The following OTOGL variants were observed in gnomAD, a reference collection of about 807,000 sequenced individuals.
The protein encoded by OTOGL is otogelin-like protein.
Under a neutral mutation model 318.5 loss-of-function variants are expected in OTOGL, and 285 were observed. The observed-to-expected ratio is 0.89, with a 90% confidence interval of 0.81 to 0.99. The LOEUF (loss-of-function observed/expected upper bound fraction) is 0.99, where lower values mean the gene tolerates loss of function less well. Ranked by LOEUF, OTOGL falls within the 50% of genes least tolerant of loss-of-function variation. OTOGL has a pLI of 0.00. For missense variants in OTOGL, 2,899 were observed against 2,845.6 expected (o/e 1.02, Z -0.43); for synonymous variants, 987 against 936.5 (o/e 1.05, Z -0.99).
At position 80,252,022 on chromosome 12, in the gene OTOGL, A is replaced by G. The variant is rs1295447012; in HGVS notation, c.1160-54A>G. ...TAAAAAATAAAATTATAATTTTAAA[A>G]AAGAAATAGAGGCTAATAAAATTGA... is the stretch of plus-strand genomic sequence containing the variant. On this transcript the variant is annotated intron_variant, in intron 12 of 58. Coordinates refer to ENST00000547103, the MANE Select transcript of OTOGL (RefSeq NM_001378609.3). 2.8e-6 allele frequency: 4 copies of G among 1,417,472 alleles called. No homozygotes were observed. In the East Asian group the frequency reaches 8.0e-5, roughly 28 times the overall value. The allele number at this position is 1,417,472 out of a possible 1,614,324, so 87.8% of individuals were successfully genotyped here.
intron 37 of OTOGL, 100 bp downstream of exon 37, chr12:80,329,219 C>T (rs1887911935): frequency 1.1e-6 from 1 of 916,952 alleles, no homozygotes; most frequent in South Asian, 2.3e-5. Flanking sequence ...ATCATTAATA[C>T]TACCTATGGG....
At chr12:80,193,747 CT>C (rs1421175291) in intron 1 of OTOGL, among the ~76,000 whole-genome samples, 1 of 152,032 alleles carries the variant, frequency 6.6e-6, no homozygotes, top group Non-Finnish European at 1.5e-5. Flanking sequence ...GTGAGTATAA[CT>C]GAGAGGGAGG....
intron 18 of OTOGL, among the ~76,000 whole-genome samples, chr12:80,260,771 A>G (rs373345694): frequency 2.0e-5 from 3 of 152,288 alleles, no homozygotes; most frequent in African/African-American, 7.2e-5. Flanking sequence ...ACTAAATGAA[A>G]TAAGAGAGCC....
At chr12:80,176,386 T>C (rs1874529122) in intron 1 of OTOGL, among the ~76,000 whole-genome samples, 1 of 152,152 alleles carries the variant, frequency 6.6e-6, no homozygotes, top group South Asian at 2.1e-4. Flanking sequence ...CTCTTCGTAA[T>C]CTCTCTTTCC....
intron 47 of OTOGL, 53 bp downstream of exon 47, chr12:80,356,001 T>A: frequency 6.4e-7 from 1 of 1,560,514 alleles, no homozygotes; most frequent in East Asian, 2.2e-5. Context: ...ATGTTGATAT[T>A]CTTTGTGAAA....
intron 1 of OTOGL, among the ~76,000 whole-genome samples, chr12:80,111,212 C>T (rs1565864137): frequency 6.6e-6 from 1 of 152,200 alleles, no homozygotes; most frequent in South Asian, 2.1e-4. Context: ...TGCCTGTTCA[C>T]TCCAATGATA....
chr12:80,147,482 G>C (rs1872470420), intron 1 of OTOGL, among the ~76,000 whole-genome samples: 1 of 151,158 alleles, frequency 6.6e-6, no homozygotes, highest in Admixed American at 6.6e-5. Context: ...CAAGTATGTG[G>C]TCAATTTTGG....
intron 1 of OTOGL, among the ~76,000 whole-genome samples, chr12:80,119,344 G>T (rs1870352048): frequency 6.6e-6 from 1 of 152,164 alleles, no homozygotes; most frequent in Non-Finnish European, 1.5e-5. Flanking sequence ...CAGTCAGAAG[G>T]GTAAATGGCA....
intron 1 of OTOGL, among the ~76,000 whole-genome samples, chr12:80,204,261 A>G (rs7957724): frequency 0.061 from 9,297 of 152,244 alleles, 728 homozygotes; most frequent in East Asian, 0.18. Context: ...TATCTCCAAA[A>G]GCAGTTTTCC....
At chr12:80,263,324 T>G (rs939290492) in intron 19 of OTOGL, among the ~76,000 whole-genome samples, 2 of 152,174 alleles carry the variant, frequency 1.3e-5, no homozygotes, top group African/African-American at 4.8e-5. Flanking sequence ...TCCTGGATAT[T>G]GTAGCAACTT....
intron 11 of OTOGL, among the ~76,000 whole-genome samples, chr12:80,241,090 T>A (rs1880334631): frequency 6.6e-6 from 1 of 152,024 alleles, no homozygotes; most frequent in South Asian, 2.1e-4. Flanking sequence ...ACGTCTTGAG[T>A]AGCTCATTAA....
At chr12:80,373,366 AG>A (rs1890997067) in intron 57 of OTOGL, among the ~76,000 whole-genome samples, 1 of 152,212 alleles carries the variant, frequency 6.6e-6, no homozygotes, top group African/African-American at 2.4e-5. Context: ...CGAGAGGCGG[AG>A]GTTACAGTGA....
chr12:80,265,298 A>G, intron 20 of OTOGL, 88 bp downstream of exon 20: 1 of 1,245,392 alleles, frequency 8.0e-7, no homozygotes, highest in Non-Finnish European at 1.1e-6. Flanking sequence ...TTTAAATGAA[A>G]TGTCAATATT....
At chr12:80,363,465 G>A (rs759084982) in intron 52 of OTOGL, among the ~76,000 whole-genome samples, 1 of 152,170 alleles carries the variant, frequency 6.6e-6, no homozygotes, top group Non-Finnish European at 1.5e-5. Flanking sequence ...TGAGGTTGGT[G>A]TGAATTTAGG....
At chr12:80,315,114 G>T (rs936526997) in intron 32 of OTOGL, among the ~76,000 whole-genome samples, 1 of 152,114 alleles carries the variant, frequency 6.6e-6, no homozygotes, top group Non-Finnish European at 1.5e-5. Flanking sequence ...TGGTCAAAGG[G>T]CACAAAGTTT....
At position 80,378,043 on chromosome 12, in the gene OTOGL, AAT is replaced by A. The variant is rs1387325362; in HGVS notation, c.7058_7059del (p.Asn2353IlefsTer34). 1.9e-6 allele frequency: 3 copies of A among 1,568,064 alleles called. No individual in the cohort carries two copies. The South Asian group carries it at 3.5e-5, about 18-fold the overall frequency. ...QEPIDCTCQW[N>X] Reference sequence around the variant, plus strand: ...ACCCATAGACTGTACGTGCCAGTGGAATTAAACCCTTGGGTTCCAAGAGCTCT... The same window carrying A: ...ACCCATAGACTGTACGTGCCAGTGGATAAACCCTTGGGTTCCAAGAGCTCT... On this transcript the variant is annotated frameshift_variant, in exon 59 of 59. Coordinates refer to ENST00000547103, the MANE Select transcript of OTOGL (RefSeq NM_001378609.3). LOFTEE classifies it high-confidence loss of function.
chr12:80,300,596 TCTGAGCAAGG>T (rs1885694182), intron 27 of OTOGL, among the ~76,000 whole-genome samples: 1 of 152,166 alleles, frequency 6.6e-6, no homozygotes, highest in Non-Finnish European at 1.5e-5. Context: ...GGGGCCCACT[TCTGAGCAAGG>T]AACCGTCCTT....
rs149674185 is a variant in OTOGL, at chr12:80,159,824, A to G, written c.-19-49589A>G. On this transcript the variant is annotated intron_variant, in intron 1 of 58. Transcript: ENST00000547103. ...CTAAGCAAAAAGAACAAATCTACAG[A>G]CATCACATTACCTGACTTCAAACTA... 6.7e-4 allele frequency among the ~76,000 whole-genome samples: 102 copies of G among 152,114 alleles called. No individual in the cohort carries two copies. The East Asian group carries it at 0.015, about 22-fold the overall frequency.
In OTOGL at chr12:80,305,560, T is replaced by C; in HGVS notation, c.3214-16T>C. 6.6e-7 allele frequency: 1 copy of C among 1,508,670 alleles called. No individual in the cohort carries two copies. Among genetic ancestry groups the C allele is most frequent in the Non-Finnish European group, 8.8e-7 (1 of 1,138,826 alleles). 93.5% of individuals were successfully genotyped at this position (1,508,670 alleles called of 1,614,324 possible). A position where few individuals can be genotyped will look rare whatever the true frequency, so the allele number is the denominator to read the frequency against. On this transcript the variant is annotated splice_polypyrimidine_tract_variant and intron_variant, in intron 28 of 58. Transcript: ENST00000547103. Reference sequence around the variant, plus strand: ...GTGAAAACAGAATATTTCCTGGTGATTTTCTCTTACTTTAGAACAAGCTAT... The same window carrying C: ...GTGAAAACAGAATATTTCCTGGTGACTTTCTCTTACTTTAGAACAAGCTAT...
Sources: gnomAD v4.1 joint callset for allele counts (sites outside exome capture counted in the v4.1 genomes callset) on GRCh38, gnomAD v4.1.1 for gene constraint, MANE v1.5 for transcripts, NCBI Gene and HGNC (gene_info 2026-07-23, HGNC 2026-07-21) for gene names.